The following TULP4 variants were observed in gnomAD, a reference collection of about 807,000 sequenced individuals.
TULP4 encodes the protein TUB like protein 4.
Under a neutral mutation model 129.0 loss-of-function variants are expected in TULP4, and 16 were observed. The observed-to-expected ratio is 0.12, with a 90% CI of 0.08 to 0.19. The LOEUF is 0.19. Ranked by LOEUF, TULP4 falls within the 10% of genes least tolerant of loss-of-function variation. The pLI is 1.00. For synonymous variants in TULP4, 998 were observed against 854.0 expected (o/e 1.17, Z -2.94); for missense variants, 1,842 against 2,059.1 (o/e 0.89, Z 2.04).
At chr6:158,293,256 C>T (rs1778975680) in intron 1 of TULP4, among the ~76,000 whole-genome samples, 1 of 152,152 alleles carries the variant, frequency 6.6e-6, no homozygotes. Context: ...GACCTGTGGC[C>T]CTTGTGGCTT....
chr6:158,263,349 C>T (rs12194766), intron 1 of TULP4, among the ~76,000 whole-genome samples: 49,998 of 152,024 alleles, frequency 0.33, 9,211 homozygotes, highest in Admixed American at 0.45. Context: ...CCTAGCCAAC[C>T]ACTTAACGTT....
chr6:158,487,446 C>CA (rs913813031), intron 8 of TULP4, among the ~76,000 whole-genome samples: 141 of 152,078 alleles, frequency 9.3e-4, no homozygotes, highest in African/African-American at 3.1e-3. Context: ...CTCCATCTCC[C>CA]AAAAAAACCC....
intron 1 of TULP4, among the ~76,000 whole-genome samples, chr6:158,320,263 T>C (rs889327609): frequency 6.6e-6 from 1 of 152,128 alleles, no homozygotes; most frequent in South Asian, 2.1e-4. Context: ...GAGTCCTCAA[T>C]AGGTGGGCAG....
At chr6:158,277,779 A>T (rs1778673196), upstream of TULP4, among the ~76,000 whole-genome samples, 1 of 152,164 alleles carries the variant, frequency 6.6e-6, no homozygotes, top group Non-Finnish European at 1.5e-5. Context: ...TCTTGAGATG[A>T]TGTCCTTCAG....
intron 1 of TULP4, among the ~76,000 whole-genome samples, chr6:158,374,788 G>T (rs1048155956): frequency 2.6e-5 from 4 of 152,086 alleles, no homozygotes; most frequent in African/African-American, 4.8e-5. Flanking sequence ...CTCATGAATG[G>T]TACCTCCTGG....
chr6:158,349,872 C>T lies in TULP4; in HGVS notation c.252+35604C>T, dbSNP rs546947166. On this transcript the variant is annotated intron_variant, in intron 1 of 13. Transcript: ENST00000367097. ...CTCCTCACCTCCCAGACGGGGCGGC[C>T]GGGCAGAGACGCTCCTCACCTCCTA... is the stretch of plus-strand genomic sequence containing the variant. 4.8e-4 allele frequency among the ~76,000 whole-genome samples: 58 copies of T among 120,850 alleles called. 1 individual carries two copies. The highest frequency in any genetic ancestry group is 8.3e-4 in the Non-Finnish European group (49 of 59,156). The allele number at this position is 120,850 out of a possible 152,430, so 79.3% of individuals were successfully genotyped here.
At chr6:158,251,165 ACTGT>A (rs1778132884) in intron 1 of TULP4, among the ~76,000 whole-genome samples, 1 of 152,182 alleles carries the variant, frequency 6.6e-6, no homozygotes, top group Admixed American at 6.5e-5. Context: ...GGCCTTAAGT[ACTGT>A]CTGTTACCAC....
At chr6:158,421,795 C>G (rs341145) in intron 2 of TULP4, among the ~76,000 whole-genome samples, 3 of 151,924 alleles carry the variant, frequency 2.0e-5, no homozygotes, top group Admixed American at 2.0e-4. Flanking sequence ...TGTAATGTTA[C>G]GCCAGAGTGA....
At chr6:158,274,824 A>T (rs1260434068) in intron 1 of TULP4, among the ~76,000 whole-genome samples, 1 of 152,122 alleles carries the variant, frequency 6.6e-6, no homozygotes, top group African/African-American at 2.4e-5. Flanking sequence ...TTCCCACTGC[A>T]CTCCGAATAA....
intron 1 of TULP4, among the ~76,000 whole-genome samples, chr6:158,317,797 C>T (rs1403219674): frequency 2.0e-5 from 3 of 152,198 alleles, no homozygotes; most frequent in Admixed American, 2.0e-4. Context: ...GTTACTATTT[C>T]TCCACATCCT....
At chr6:158,494,268 A>G (rs1364899824) in intron 10 of TULP4, among the ~76,000 whole-genome samples, 1 of 152,006 alleles carries the variant, frequency 6.6e-6, no homozygotes, top group Non-Finnish European at 1.5e-5. Context: ...TATCTCCTCC[A>G]TCAGGTTTAA....
intron 1 of TULP4, among the ~76,000 whole-genome samples, chr6:158,381,919 TG>T (rs1777335102): frequency 6.6e-6 from 1 of 152,230 alleles, no homozygotes; most frequent in Non-Finnish European, 1.5e-5. Context: ...ATTGTTTTTT[TG>T]TTATTGTTGT....
intron 3 of TULP4, among the ~76,000 whole-genome samples, chr6:158,436,908 G>T (rs341109): frequency 0.25 from 37,499 of 152,108 alleles, 5,705 homozygotes; most frequent in Middle Eastern, 0.35. Context: ...GGTTTATCCT[G>T]TTTGCTTTGG....
At chr6:158,405,796 G>T (rs1777966451) in intron 1 of TULP4, among the ~76,000 whole-genome samples, 1 of 152,180 alleles carries the variant, frequency 6.6e-6, no homozygotes. Flanking sequence ...CATGTTCCAA[G>T]AATCTTTTAC....
Position 158,453,006 on chromosome 6 carries a change from C to T in TULP4, c.859+738C>T, listed in dbSNP as rs535065983. Among the ~76,000 whole-genome samples the T allele has an allele frequency of 3.3e-5, 5 of 152,240 alleles. No homozygotes were observed. The East Asian group carries it at 9.6e-4, about 29-fold the overall frequency. ...ATTCAATACCTGGGCTGCCTCTGAC[C>T]CTTGATGTTTAAGGGACCTCCTGTA... On this transcript the variant is annotated intron_variant, in intron 5 of 13. Transcript: ENST00000367097.
intron 1 of TULP4, among the ~76,000 whole-genome samples, chr6:158,404,765 A>G (rs1156378490): frequency 1.1e-5 from 1 of 91,066 alleles, no homozygotes; most frequent in African/African-American, 4.5e-5. Context: ...GACAGAGGAG[A>G]CTCTGTCTCA....
chr6:158,474,068 G>A (rs1363350420), intron 6 of TULP4, among the ~76,000 whole-genome samples: 2 of 152,182 alleles, frequency 1.3e-5, no homozygotes, highest in African/African-American at 4.8e-5. Flanking sequence ...CAATCTTCCT[G>A]CCTCAGCCTC....
At chr6:158,309,876 G>A (rs1026683317), upstream of TULP4, among the ~76,000 whole-genome samples, 32 of 142,034 alleles carry the variant, frequency 2.3e-4, no homozygotes, top group East Asian at 6.5e-4. Flanking sequence ...GAGGGAGACC[G>A]TGGGAAGAGA....
chr6:158,333,779 C>T (rs1779970249), intron 1 of TULP4, among the ~76,000 whole-genome samples: 1 of 152,110 alleles, frequency 6.6e-6, no homozygotes, highest in Admixed American at 6.5e-5. Flanking sequence ...TCTATTTTGT[C>T]ATTTACTGGC....
Sources: allele counts gnomAD v4.1 joint callset (sites outside exome capture counted in the v4.1 genomes callset), GRCh38; gene constraint gnomAD v4.1.1; transcripts MANE v1.5; gene names NCBI Gene and HGNC (gene_info 2026-07-23, HGNC 2026-07-21).